The following PAK3 variants were observed in gnomAD, a reference collection of about 807,000 sequenced individuals.
The protein encoded by PAK3 is serine/threonine-protein kinase PAK 3.
PAK3 carries 4 observed loss-of-function variants against 41.0 expected under a neutral mutation model. The ratio of observed to expected loss-of-function variants is 0.10; its 90% CI spans 0.05 to 0.22. The LOEUF (loss-of-function observed/expected upper bound fraction) is 0.22. Ranked by LOEUF, PAK3 falls within the 10% of genes least tolerant of loss-of-function variation. PAK3 has a pLI of 1.00. For missense variants in PAK3, 205 were observed against 409.9 expected (o/e 0.50, Z 4.32); for synonymous variants, 146 against 139.6 (o/e 1.05, Z -0.32).
chrX:110,998,934 A>T (rs1046664141), intron 1 of PAK3, among the ~76,000 whole-genome samples: 2 of 112,000 alleles, frequency 1.8e-5, no homozygotes, highest in Non-Finnish European at 3.8e-5. Context: ...TGGCATACCA[A>T]ACTTATCCCA....
rs1166414505 is a variant in PAK3, at chrX:111,178,959, T to TTA, written c.830+5899_830+5900dup. On this transcript the variant is annotated intron_variant, in intron 11 of 17. Coordinates refer to ENST00000372007, the MANE Select transcript of PAK3 (RefSeq NM_002578.5). The stretch of plus-strand genomic sequence containing the variant: ...GATGCACCTGCATACATAAACTGTT[T>TTA]TATATATATATATATATATATAGAG... Among the ~76,000 whole-genome samples the TTA allele has an allele frequency of 2.5e-3, 248 of 98,770 alleles. 2 individuals carry two copies. The highest frequency in any genetic ancestry group is 8.7e-3 in the African/African-American group (218 of 25,015). 85.8% of individuals were successfully genotyped at this position (98,770 alleles called of 115,157 possible). A position where few individuals can be genotyped will look rare whatever the true frequency, so the allele number is the denominator to read the frequency against.
chrX:111,063,685 G>T (rs1030707385), intron 1 of PAK3, among the ~76,000 whole-genome samples: 2 of 108,972 alleles, frequency 1.8e-5, no homozygotes, highest in African/African-American at 6.9e-5. Context: ...ACAAAAATTA[G>T]CTGGGTGCAG....
intron 7 of PAK3, among the ~76,000 whole-genome samples, chrX:111,150,338 G>C (rs2094007870): frequency 8.9e-6 from 1 of 111,938 alleles, no homozygotes; most frequent in African/African-American, 3.3e-5. Flanking sequence ...CTGTTGCCCA[G>C]TTACAAAGTC....
At chrX:111,146,386 C>A in intron 6 of PAK3, 1 of 476,578 alleles carries the variant, frequency 2.1e-6, no homozygotes, top group Non-Finnish European at 3.7e-6. Context: ...TTAAAACCTC[C>A]CTATTTTCAT....
intron 1 of PAK3, among the ~76,000 whole-genome samples, chrX:110,972,364 G>T (rs1230585223): frequency 9.0e-6 from 1 of 111,705 alleles, no homozygotes; most frequent in Admixed American, 9.5e-5. Context: ...CCAGAGGAAG[G>T]ATCAGGCAGG....
At chrX:110,959,989 A>G (rs184727285) in intron 1 of PAK3, among the ~76,000 whole-genome samples, 78 of 111,799 alleles carry the variant, frequency 7.0e-4, no homozygotes, top group African/African-American at 2.5e-3. Context: ...TCTTTTGTCA[A>G]CTCTTGTCTT....
In PAK3 at chrX:111,203,599, T is replaced by C. The variant is rs565897529; in HGVS notation, c.1407+6959T>C. Among the ~76,000 whole-genome samples, 270 of 111,988 alleles carry C rather than the reference T, an allele frequency of 2.4e-3. 1 individual carries two copies. The highest frequency in any genetic ancestry group is 8.1e-3 in the African/African-American group (250 of 30,881). On this transcript the variant is annotated intron_variant, in intron 16 of 17. Coordinates refer to ENST00000372007, the MANE Select transcript of PAK3 (RefSeq NM_002578.5). ...GCTTCCCACTTCCCTTTTCCTGCAC[T>C]TAAAGCACTACAGAAATGTTAGTTG...
At position 111,013,898 on chromosome X, in the gene PAK3, G is replaced by C. The variant is rs935906281; in HGVS notation, c.-28+69270G>C. On this transcript the variant is annotated intron_variant, in intron 1 of 14. Coordinates refer to the PAK3 transcript ENST00000425146. The stretch of plus-strand genomic sequence containing the variant: ...CAGTTCGCCCAACATGGAATGACTT[G>C]AGGTACACTTGAATGGTCTCTGTGT... 3.6e-5 allele frequency: 4 copies of C among 111,792 alleles called. No homozygotes were observed. In the East Asian group the frequency reaches 1.1e-3, roughly 32 times the overall value. 9.2% of individuals were successfully genotyped at this position (111,792 alleles called of 1,213,427 possible).
chrX:111,065,958 T>C (rs2148816354), intron 1 of PAK3, among the ~76,000 whole-genome samples: 1 of 112,196 alleles, frequency 8.9e-6, no homozygotes, highest in East Asian at 2.8e-4. Context: ...TTTCTTAATC[T>C]AACTAGCAGT....
intron 1 of PAK3, among the ~76,000 whole-genome samples, chrX:110,984,983 G>A (rs1349734665): frequency 2.7e-5 from 3 of 111,141 alleles, no homozygotes; most frequent in African/African-American, 6.6e-5. Flanking sequence ...ACAAAAATTA[G>A]CCAGGCGTGT....
chrX:110,989,597 T>C (rs1017438344), intron 1 of PAK3, among the ~76,000 whole-genome samples: 3 of 112,243 alleles, frequency 2.7e-5, no homozygotes, highest in African/African-American at 9.7e-5. Flanking sequence ...GTTCACCCTA[T>C]TGTGATCTGT....
chrX:111,144,969 G>A, intron 6 of PAK3: 1 of 736,734 alleles, frequency 1.4e-6, no homozygotes, highest in Non-Finnish European at 2.1e-6. Flanking sequence ...ATAAATGCTT[G>A]GCCTGTTATA....
chrX:111,036,887 C>T (rs1381081203), intron 1 of PAK3, among the ~76,000 whole-genome samples: 2 of 111,694 alleles, frequency 1.8e-5, no homozygotes, highest in Non-Finnish European at 3.8e-5. Flanking sequence ...ATTTACAATT[C>T]CTCCTTTAGA....
At position 111,167,054 on chromosome X, in the gene PAK3, A is replaced by G. The variant is rs994266015; in HGVS notation, c.766+3327A>G. 2.7e-5 allele frequency among the ~76,000 whole-genome samples: 3 copies of G among 111,973 alleles called. No individual in the cohort carries two copies. The Admixed American group carries it at 2.8e-4, about 11-fold the overall frequency. ...GTGTGAGGACTAAATAAGTTAAAGT[A>G]TATAAGACATCTAGCACAATAAACA... On this transcript the variant is annotated intron_variant, in intron 10 of 17. Transcript: ENST00000372007.
chrX:111,049,907 G>T (rs754595503), intron 1 of PAK3, among the ~76,000 whole-genome samples: 1 of 111,275 alleles, frequency 9.0e-6, no homozygotes, highest in African/African-American at 3.3e-5. Context: ...CCTCTGAGGC[G>T]TCTGGGAGAC....
chrX:111,028,996 C>T (rs1313718354), intron 1 of PAK3, among the ~76,000 whole-genome samples: 1 of 110,941 alleles, frequency 9.0e-6, no homozygotes, highest in Non-Finnish European at 1.9e-5. Context: ...ATTAGCTGTG[C>T]CACAGTGGTG....
rs1354016394 is a variant in PAK3, at chrX:111,216,407, A to AT, written c.1408-7dup. The stretch of plus-strand genomic sequence containing the variant: ...ATGTATGTGCTGAATGGATTTTTCT[A>AT]TTTTTTTCTACAGGCATTGTATCTG... On this transcript the variant is annotated splice_polypyrimidine_tract_variant and intron_variant, in intron 16 of 17. Coordinates refer to ENST00000372007, the MANE Select transcript of PAK3 (RefSeq NM_002578.5). 1.1e-5 allele frequency: 13 copies of AT among 1,173,907 alleles called. No individual in the cohort carries two copies. The East Asian group carries it at 2.7e-4, about 24-fold the overall frequency.
chrX:110,992,984 C>G (rs2091676972), intron 1 of PAK3, among the ~76,000 whole-genome samples: 1 of 111,651 alleles, frequency 9.0e-6, no homozygotes, highest in Admixed American at 9.5e-5. Flanking sequence ...GAATGGTTTT[C>G]TTTTGTCAAT....
In PAK3 at chrX:111,224,278, C is replaced by G. The variant is rs756429307; in HGVS notation, c.*3831C>G. On this transcript the variant is annotated 3_prime_UTR_variant, in exon 18 of 18. Coordinates refer to ENST00000372007, the MANE Select transcript of PAK3 (RefSeq NM_002578.5). ...CTGCCCTCTGCTTTGGTATGGCATT[C>G]GGGTGTCTGTTTTGTGGTTGCTTTA... is the stretch of plus-strand genomic sequence containing the variant. 9.0e-6 allele frequency: 1 copy of G among 111,535 alleles called. No individual in the cohort carries two copies. Among genetic ancestry groups the G allele is most frequent in the Non-Finnish European group, 1.9e-5 (1 of 53,134 alleles). The allele number at this position is 111,535 out of a possible 1,213,427, so 9.2% of individuals were successfully genotyped here. A position where few individuals can be genotyped will look rare whatever the true frequency, so the allele number is the denominator to read the frequency against.
Sources: allele counts gnomAD v4.1 joint callset (sites outside exome capture counted in the v4.1 genomes callset), GRCh38; gene constraint gnomAD v4.1.1; transcripts MANE v1.5; gene names NCBI Gene and HGNC (gene_info 2026-07-23, HGNC 2026-07-21).